FGF13: variants seen among roughly 807,000 people sequenced by gnomAD.
FGF13 encodes fibroblast growth factor homologous factor 2.
A neutral mutation model predicts 19.5 loss-of-function variants in FGF13; 2 were observed. The ratio of observed to expected loss-of-function variants is 0.10; its 90% confidence interval spans 0.04 to 0.32. The LOEUF (loss-of-function observed/expected upper bound fraction) is 0.32. FGF13 is among the 10% of genes least tolerant of loss of function. The probability of loss-of-function intolerance (pLI) is 1.00; values close to 1 mark genes in which losing one functional copy is unlikely to be tolerated. For missense variants in FGF13, 113 were observed against 192.7 expected, an observed-to-expected ratio of 0.59 and a Z score of 2.45; for synonymous variants, 72 against 76.9, an observed-to-expected ratio of 0.94 and a Z score of 0.33.
chrX:138,960,392 TG>T (rs1222472547), intron 1 of FGF13, among the ~76,000 whole-genome samples: 4 of 112,252 alleles, frequency 3.6e-5, no homozygotes, highest in African/African-American at 1.3e-4. Context: ...AGAGACCCGC[TG>T]TTAGTCTGAT....
chrX:139,087,447 G>A (rs1276982947), intron 1 of FGF13, among the ~76,000 whole-genome samples: 1 of 111,237 alleles, frequency 9.0e-6, no homozygotes, highest in Non-Finnish European at 1.9e-5. Context: ...TATTTTTCTG[G>A]GCCTCTTTAA....
intron 3 of FGF13, among the ~76,000 whole-genome samples, chrX:138,849,956 A>G (rs7892512): frequency 0.024 from 2,716 of 111,526 alleles, 83 homozygotes; most frequent in African/African-American, 0.085. Flanking sequence ...ACGGGTCATC[A>G]GTGCTGGCTT....
At chrX:138,964,115 A>G (rs183726324) in intron 1 of FGF13, among the ~76,000 whole-genome samples, 220 of 112,000 alleles carry the variant, frequency 2.0e-3, no homozygotes, top group African/African-American at 6.9e-3. Context: ...TCCCAAGGAT[A>G]CTACAGAGAC....
intron 1 of FGF13, among the ~76,000 whole-genome samples, chrX:139,068,824 G>T (rs1032972496): frequency 2.1e-4 from 23 of 111,388 alleles, no homozygotes; most frequent in Admixed American, 1.1e-3. Flanking sequence ...TGTGATTTTT[G>T]TACATTGATT....
At chrX:139,203,630 A>G (rs2084437742), upstream of FGF13, 1 of 121,741 alleles carries the variant, frequency 8.2e-6, no homozygotes, top group Non-Finnish European at 1.7e-5. Context: ...GGGTTCTGAC[A>G]GCAGGGCAGA....
At chrX:139,173,519 A>G (rs1013296318) in intron 1 of FGF13, among the ~76,000 whole-genome samples, 4 of 110,633 alleles carry the variant, frequency 3.6e-5, no homozygotes, top group Non-Finnish European at 5.7e-5. Context: ...CGTCATCTAC[A>G]TTAGGTATTT....
At chrX:138,841,528 T>TTA (rs1010453167) in intron 3 of FGF13, among the ~76,000 whole-genome samples, 13 of 110,112 alleles carry the variant, frequency 1.2e-4, no homozygotes, top group African/African-American at 2.0e-4. Flanking sequence ...TTTTTTTTAT[T>TTA]TATATATATA....
intron 1 of FGF13, among the ~76,000 whole-genome samples, chrX:138,917,275 T>A (rs924260712): frequency 1.2e-4 from 13 of 111,429 alleles, no homozygotes; most frequent in Non-Finnish European, 2.3e-4. Context: ...TGAGAGGTAA[T>A]TAAGGTTAAA....
intron 1 of FGF13, among the ~76,000 whole-genome samples, chrX:138,736,686 A>C (rs2090277362): frequency 9.0e-6 from 1 of 111,048 alleles, no homozygotes; most frequent in African/African-American, 3.3e-5. Flanking sequence ...CAGCTAAGGA[A>C]ATGATTAACA....
At chrX:138,675,744 G>A (rs865796313) in intron 3 of FGF13, among the ~76,000 whole-genome samples, 1 of 111,544 alleles carries the variant, frequency 9.0e-6, no homozygotes, top group Non-Finnish European at 1.9e-5. Flanking sequence ...ACAAAGGGGA[G>A]TGGAAAATTG....
At chrX:138,942,552 T>A (rs755677706) in intron 1 of FGF13, among the ~76,000 whole-genome samples, 10 of 111,904 alleles carry the variant, frequency 8.9e-5, no homozygotes, top group Admixed American at 2.9e-4. Context: ...TTTTCGGTTT[T>A]TCTCTCCTTC....
chrX:138,951,252 A>C (rs1264790114), intron 1 of FGF13, among the ~76,000 whole-genome samples: 1 of 111,719 alleles, frequency 9.0e-6, no homozygotes, highest in Non-Finnish European at 1.9e-5. Flanking sequence ...TCATGGACTA[A>C]TGCATCCTCT....
chrX:138,932,048 C>T (rs1335793402), intron 1 of FGF13, among the ~76,000 whole-genome samples: 1 of 109,602 alleles, frequency 9.1e-6, no homozygotes, highest in Non-Finnish European at 1.9e-5. Flanking sequence ...GAGTTTGCAG[C>T]AGTTTGCAGC....
chrX:138,937,552 A>T (rs987595683), intron 1 of FGF13, among the ~76,000 whole-genome samples: 2 of 112,210 alleles, frequency 1.8e-5, no homozygotes, highest in African/African-American at 3.2e-5. Context: ...TTGCTGAATG[A>T]ATATTTGTAT....
intron 1 of FGF13, among the ~76,000 whole-genome samples, chrX:139,056,389 C>A (rs905868307): frequency 8.9e-6 from 1 of 111,896 alleles, no homozygotes; most frequent in Admixed American, 9.5e-5. Flanking sequence ...ATAGCAAGAC[C>A]GGCCCAGGGC....
chrX:138,678,468 T>C (rs2089696054), intron 3 of FGF13, among the ~76,000 whole-genome samples: 1 of 112,075 alleles, frequency 8.9e-6, no homozygotes, highest in Non-Finnish European at 1.9e-5. Flanking sequence ...ATCTTTCTTA[T>C]TGTAGTTTTA....
At chrX:139,162,171 AAACAGC>A (rs2084040029) in intron 1 of FGF13, among the ~76,000 whole-genome samples, 1 of 112,581 alleles carries the variant, frequency 8.9e-6, no homozygotes, top group Admixed American at 9.4e-5. Context: ...ACAGTAAGCA[AAACAGC>A]ATGGTGCTGG....
chrX:138,757,500 C>T (rs985707085), intron 3 of FGF13, among the ~76,000 whole-genome samples: 1 of 110,636 alleles, frequency 9.0e-6, no homozygotes, highest in Admixed American at 9.6e-5. Context: ...CAGTCAAAGG[C>T]CTGAAGGAAG....
intron 1 of FGF13, among the ~76,000 whole-genome samples, chrX:138,983,414 T>TA (rs2091972165): frequency 1.2e-5 from 1 of 81,196 alleles, no homozygotes; most frequent in Non-Finnish European, 2.4e-5. Context: ...TAAGTTGATC[T>TA]TATATATATA....
Sources: allele counts gnomAD v4.1 joint callset (sites outside exome capture counted in the v4.1 genomes callset), GRCh38; gene constraint gnomAD v4.1.1; transcripts MANE v1.5; gene names NCBI Gene and HGNC (gene_info 2026-07-23, HGNC 2026-07-21).